The following SLC35E3 variants were observed in gnomAD, a reference collection of about 807,000 sequenced individuals.
SLC35E3 encodes the protein solute carrier family 35 member E3.
SLC35E3 carries 28 observed loss-of-function variants against 30.8 expected under a neutral mutation model. That is an observed-to-expected ratio of 0.91 (90% CI 0.67 to 1.25). The LOEUF is 1.25. SLC35E3 is among the 50% of genes most tolerant of loss of function. The pLI is 0.00. For synonymous variants in SLC35E3, 146 were observed against 149.2 expected (o/e 0.98, Z 0.16); for missense variants, 365 against 375.4 (o/e 0.97, Z 0.23).
Position 68,766,785 on chromosome 12 carries a change from A to G in SLC35E3, c.*1895A>G, listed in dbSNP as rs1164160140. 4.4e-6 allele frequency: 2 copies of G among 450,992 alleles called. No homozygotes were observed. The highest frequency in any genetic ancestry group is 8.9e-6 in the Non-Finnish European group (2 of 225,358). The allele number at this position is 450,992 out of a possible 1,614,324, so 27.9% of individuals were successfully genotyped here. On this transcript the variant is annotated 3_prime_UTR_variant, in exon 5 of 5. Coordinates refer to ENST00000398004, the MANE Select transcript of SLC35E3 (RefSeq NM_018656.5). ...TTTTTTGTAGAGACAGAGTTTTGCC[A>G]TGTTGCTCAGGCTGATCTCAAACTC...
At chr12:68,759,891 A>G (rs1247483481) in intron 4 of SLC35E3, 1 of 152,248 alleles carries the variant, frequency 6.6e-6, no homozygotes, top group Non-Finnish European at 1.5e-5. Context: ...TGGATTTTCA[A>G]ACAATTTTCA....
chr12:68,755,967 C>G lies in SLC35E3; in HGVS notation c.673-3190C>G, dbSNP rs1878984904. 2.0e-5 allele frequency among the ~76,000 whole-genome samples: 3 copies of G among 152,176 alleles called. No individual in the cohort carries two copies. The South Asian group carries it at 6.2e-4, about 32-fold the overall frequency. ...AAACCGAGAGATAAAGAGTTAGTAA[C>G]TGGCTCGCAATCCCACAGCTAATAA... is the stretch of plus-strand genomic sequence containing the variant. On this transcript the variant is annotated intron_variant, in intron 3 of 4. Coordinates refer to ENST00000398004, the MANE Select transcript of SLC35E3 (RefSeq NM_018656.5).
At position 68,752,066 on chromosome 12, in the gene SLC35E3, A is replaced by G; in HGVS notation, c.548A>G (p.Asn183Ser). ...VGAKQHELQV[N>S]SMQLLYYQAP... The stretch of plus-strand genomic sequence containing the variant: ...GCCAAACAGCATGAATTACAAGTGA[A>G]CTCAATGCAGCTGCTGTACTACCAG... Residue 183 changes from asparagine (N) to serine (S), a missense_variant, in exon 3 of 5, where the codon AAC (asparagine) becomes AGC (serine). Asn to Ser is a conservative substitution (Grantham distance 46). Coordinates refer to ENST00000398004, the MANE Select transcript of SLC35E3 (RefSeq NM_018656.5). 6.2e-7 allele frequency: 1 copy of G among 1,609,918 alleles called. No individual in the cohort carries two copies. The highest frequency in any genetic ancestry group is 8.5e-7 in the Non-Finnish European group (1 of 1,178,996).
At chr12:68,752,265 T>A in intron 3 of SLC35E3, 75 bp downstream of exon 3, 1 of 1,328,680 alleles carries the variant, frequency 7.5e-7, no homozygotes. Context: ...ATTTTTAGTT[T>A]TCAGAGCACT....
intron 2 of SLC35E3, among the ~76,000 whole-genome samples, chr12:68,751,453 C>T (rs1345948088): frequency 2.0e-5 from 3 of 152,108 alleles, no homozygotes; most frequent in African/African-American, 7.2e-5. Flanking sequence ...CCCGCCACCA[C>T]GCCCAGCTAA....
chr12:68,765,180 C>T lies in SLC35E3; in HGVS notation c.*290C>T, dbSNP rs144195303. ...CTGAGGCAGGAGAATCACTTGAACC[C>T]GGGAGGCGGCGGTTGCAGTGAGCCG... On this transcript the variant is annotated 3_prime_UTR_variant, in exon 5 of 5. Coordinates refer to ENST00000398004, the MANE Select transcript of SLC35E3 (RefSeq NM_018656.5). The T allele has an allele frequency of 0.017, 3,284 of 189,632 alleles. 119 individuals carry two copies. Among genetic ancestry groups the T allele is most frequent in the African/African-American group, 0.072 (3,071 of 42,556 alleles). 11.7% of individuals were successfully genotyped at this position (189,632 alleles called of 1,614,324 possible). A position where few individuals can be genotyped will look rare whatever the true frequency, so the allele number is the denominator to read the frequency against.
In SLC35E3 at chr12:68,771,332, G is replaced by C. The variant is rs1382286019; in HGVS notation, c.*6442G>C. ...TAGTTTATAGAGGCCCAGAACTCAG[G>C]AAAATGTTTAGTTGAGGTGGAGATA... On this transcript the variant is annotated 3_prime_UTR_variant, in exon 5 of 5. Transcript: ENST00000398004. The C allele has an allele frequency of 3.3e-5, 5 of 152,056 alleles. No homozygotes were observed. The South Asian group carries it at 1.0e-3, about 32-fold the overall frequency. The allele number at this position is 152,056 out of a possible 1,614,324, so 9.4% of individuals were successfully genotyped here.
At chr12:68,762,402 G>A (rs2136077957) in intron 4 of SLC35E3, among the ~76,000 whole-genome samples, 1 of 152,278 alleles carries the variant, frequency 6.6e-6, no homozygotes, top group Admixed American at 6.5e-5. Flanking sequence ...GGAAGGAGGA[G>A]GAGGCGGGGT....
In SLC35E3 at chr12:68,768,535, C is replaced by T. The variant is rs1879517005; in HGVS notation, c.*3645C>T. 3 of 152,186 alleles carry T rather than the reference C, an allele frequency of 2.0e-5. No homozygotes were observed. Among genetic ancestry groups the T allele is most frequent in the Admixed American group, 6.6e-5 (1 of 15,260 alleles). The allele number at this position is 152,186 out of a possible 1,614,324, so 9.4% of individuals were successfully genotyped here. A position where few individuals can be genotyped will look rare whatever the true frequency, so the allele number is the denominator to read the frequency against. ...ATATGCCAGATACTAGGACCAAGCA[C>T]GGAGACAAACCAGATACAGTGCTTT... is the stretch of plus-strand genomic sequence containing the variant. On this transcript the variant is annotated 3_prime_UTR_variant, in exon 5 of 5. Coordinates refer to ENST00000398004, the MANE Select transcript of SLC35E3 (RefSeq NM_018656.5).
chr12:68,747,898 T>A (rs57821268), intron 1 of SLC35E3, 32 bp from the exon 2 acceptor site: 284,566 of 1,174,384 alleles, frequency 0.24, 38,702 homozygotes, highest in South Asian at 0.46. Context: ...TTGAATTTAA[T>A]CTGAACAACA....
rs1454208217 is a variant in SLC35E3 at position 68,775,658 on chromosome 12, A to C, written c.*10768A>C. The C allele has an allele frequency of 6.6e-6, 1 of 152,206 alleles. No homozygotes were observed. Among genetic ancestry groups the C allele is most frequent in the Non-Finnish European group, 1.5e-5 (1 of 68,066 alleles). The allele number at this position is 152,206 out of a possible 1,614,324, so 9.4% of individuals were successfully genotyped here. A position where few individuals can be genotyped will look rare whatever the true frequency, so the allele number is the denominator to read the frequency against. ...TCAAACTACAGCACTGGTTAAAAAT[A>C]AAAATAGGGCCTGGCGTGGTGGCTC... On this transcript the variant is annotated 3_prime_UTR_variant, in exon 5 of 5. Transcript: ENST00000398004.
intron 3 of SLC35E3, among the ~76,000 whole-genome samples, chr12:68,756,264 A>T (rs1385400349): frequency 6.6e-6 from 1 of 150,472 alleles, no homozygotes; most frequent in Non-Finnish European, 1.5e-5. Flanking sequence ...TAGCCTTCTA[A>T]CAGGTTTTAA....
rs1879533485 is a variant in SLC35E3, at chr12:68,769,084, A to T, written c.*4194A>T. 6.6e-6 allele frequency: 1 copy of T among 151,658 alleles called. No homozygotes were observed. The highest frequency in any genetic ancestry group is 1.5e-5 in the Non-Finnish European group (1 of 67,986). 9.4% of individuals were successfully genotyped at this position (151,658 alleles called of 1,614,324 possible). On this transcript the variant is annotated 3_prime_UTR_variant, in exon 5 of 5. Transcript: ENST00000398004. Reference sequence around the variant, plus strand: ...TGGTGAAACCTTGTCTCTACTAAAAATACAAAAATTAGCCAGGTGTGGTGT... The same window carrying T: ...TGGTGAAACCTTGTCTCTACTAAAATTACAAAAATTAGCCAGGTGTGGTGT...
At position 68,766,984 on chromosome 12, in the gene SLC35E3, G is replaced by A; in HGVS notation, c.*2094G>A. 1 of 201,314 alleles carries A rather than the reference G, an allele frequency of 5.0e-6. No homozygotes were observed. The highest frequency in any genetic ancestry group is 5.4e-5 in the South Asian group (1 of 18,552). 12.5% of individuals were successfully genotyped at this position (201,314 alleles called of 1,614,324 possible). A position where few individuals can be genotyped will look rare whatever the true frequency, so the allele number is the denominator to read the frequency against. On this transcript the variant is annotated 3_prime_UTR_variant, in exon 5 of 5. Transcript: ENST00000398004. ...GGTACTGAAACACTTGGAGTGAACT[G>A]CAAACTTGGAGTGAACTACATCCAA...
At chr12:68,764,593 G>A in intron 4 of SLC35E3, 111 bp from the exon 5 acceptor site, 1 of 994,960 alleles carries the variant, frequency 1.0e-6, no homozygotes, top group Admixed American at 2.4e-5. Flanking sequence ...TGGTCCCATT[G>A]TTCTTTACAT....
chr12:68,746,372 G>T lies in SLC35E3; in HGVS notation c.-6G>T, dbSNP rs762947173. ...GAGGCTAGACGGCCCCAGCTTCGCG[G>T]GGATCATGGCATTGCTGGTGGACCG... On this transcript the variant is annotated 5_prime_UTR_variant, in exon 1 of 5. Transcript: ENST00000398004. 1.3e-6 allele frequency: 2 copies of T among 1,561,164 alleles called. No individual in the cohort carries two copies. Among genetic ancestry groups the T allele is most frequent in the Admixed American group, 3.7e-5 (2 of 53,560 alleles).
intron 1 of SLC35E3, 85 bp downstream of exon 1, chr12:68,746,864 T>G: frequency 7.3e-7 from 1 of 1,372,618 alleles, no homozygotes; most frequent in Non-Finnish European, 9.9e-7. Flanking sequence ...ACACTGGTCT[T>G]TCCCTTCATC....
intron 4 of SLC35E3, among the ~76,000 whole-genome samples, chr12:68,760,573 G>A (rs983680341): frequency 6.6e-6 from 1 of 152,184 alleles, no homozygotes; most frequent in African/African-American, 2.4e-5. Flanking sequence ...GGGATGTCCA[G>A]ATTTGAACCC....
At chr12:68,749,118 TCA>T (rs1878700158) in intron 2 of SLC35E3, among the ~76,000 whole-genome samples, 1 of 152,208 alleles carries the variant, frequency 6.6e-6, no homozygotes, top group African/African-American at 2.4e-5. Context: ...CGTAATAGAT[TCA>T]GAGTACTCAC....
Sources: gnomAD v4.1 joint callset for allele counts (sites outside exome capture counted in the v4.1 genomes callset) on GRCh38, gnomAD v4.1.1 for gene constraint, MANE v1.5 for transcripts, NCBI Gene and HGNC (gene_info 2026-07-23, HGNC 2026-07-21) for gene names.